XPO6: variants seen among roughly 807,000 people sequenced by gnomAD.
The protein encoded by XPO6 is exportin-6.
In XPO6, 3 loss-of-function variants were observed where a neutral mutation model predicts 130.0. The ratio of observed to expected loss-of-function variants is 0.02; its 90% CI spans 0.01 to 0.06. XPO6 has a LOEUF of 0.06. Ranked by LOEUF, XPO6 falls within the 10% of genes least tolerant of loss-of-function variation. The pLI, the probability that XPO6 is intolerant of heterozygous loss-of-function variation, is 1.00. For missense variants in XPO6, 970 were observed against 1,393.0 expected (o/e 0.70, Z 4.83); for synonymous variants, 524 against 548.9 (o/e 0.95, Z 0.63).
chr16:28,107,409 C>T lies in XPO6; in HGVS notation c.2497+113G>A, dbSNP rs1359215402. The T allele has an allele frequency of 9.3e-6, 12 of 1,284,800 alleles. No individual in the cohort carries two copies. The East Asian group carries it at 9.3e-5, about 10-fold the overall frequency. 79.6% of individuals were successfully genotyped at this position (1,284,800 alleles called of 1,614,324 possible). A position where few individuals can be genotyped will look rare whatever the true frequency, so the allele number is the denominator to read the frequency against. On this transcript the variant is annotated intron_variant, in intron 18 of 23. Coordinates refer to ENST00000304658, the MANE Select transcript of XPO6 (RefSeq NM_015171.4). ...CCCCTCAGTACCGGGTTTCGTTGCA[C>T]GGAACAAGTCAAGGCCTGTACTGCA...
chr16:28,150,123 A>G (rs2043059381), intron 8 of XPO6, among the ~76,000 whole-genome samples: 1 of 152,170 alleles, frequency 6.6e-6, no homozygotes, highest in African/African-American at 2.4e-5. Flanking sequence ...TGTACCTTTC[A>G]GGTTCCTGTC....
Position 28,132,243 on chromosome 16 carries a change from C to T in XPO6, c.1606+91G>A, listed in dbSNP as rs966491875. 8.1e-6 allele frequency: 8 copies of T among 990,904 alleles called. No individual in the cohort carries two copies. Among genetic ancestry groups the T allele is most frequent in the Non-Finnish European group, 1.1e-5 (7 of 653,588 alleles). 61.4% of individuals were successfully genotyped at this position (990,904 alleles called of 1,614,324 possible). On this transcript the variant is annotated intron_variant, in intron 12 of 23. Coordinates refer to ENST00000304658, the MANE Select transcript of XPO6 (RefSeq NM_015171.4). This position sits in a 1 kb window ranked among gnomAD's most constrained non-coding sequence, Gnocchi z 4.0. ...AGTGGGGAGGCTGCAGTGAAGAAAT[C>T]ATGTTCCGACAGCAACGGCAGCAGT...
rs546440728 is a variant in XPO6 at position 28,167,420 on chromosome 16, G to A, written c.566-835C>T. 2.0e-4 allele frequency among the ~76,000 whole-genome samples: 31 copies of A among 152,146 alleles called. 1 individual carries two copies. The South Asian group carries it at 5.6e-3, about 28-fold the overall frequency. ...AGGCTTCAGCTCACCCGACAGACGC[G>A]GCCTTGCTATGCTCAACTGTCTGCT... On this transcript the variant is annotated intron_variant, in intron 5 of 23. Transcript: ENST00000304658.
At chr16:28,187,041 C>T (rs1391341263) in intron 1 of XPO6, among the ~76,000 whole-genome samples, 1 of 152,178 alleles carries the variant, frequency 6.6e-6, no homozygotes, top group East Asian at 1.9e-4. Flanking sequence ...TACATATAAA[C>T]AGCCTCAGAA....
At chr16:28,098,858 G>T (rs1005129156) in intron 23 of XPO6, among the ~76,000 whole-genome samples, 2 of 152,156 alleles carry the variant, frequency 1.3e-5, no homozygotes, top group African/African-American at 4.8e-5. Flanking sequence ...GGCCTCTCGG[G>T]TGCCAGACAC....
At chr16:28,119,775 G>A (rs1298883252) in intron 14 of XPO6, among the ~76,000 whole-genome samples, 4 of 152,194 alleles carry the variant, frequency 2.6e-5, no homozygotes, top group Admixed American at 6.5e-5. Flanking sequence ...TGATATCATA[G>A]TTAAAGAGCT....
At chr16:28,180,740 G>A (rs2043602179) in intron 2 of XPO6, among the ~76,000 whole-genome samples, 1 of 151,530 alleles carries the variant, frequency 6.6e-6, no homozygotes, top group Non-Finnish European at 1.5e-5. Context: ...CTGAAATTAA[G>A]ATCCACAGTG....
rs1327823026 is a variant in XPO6, at chr16:28,123,223, G to A, written c.1767-1461C>T. ...GCTCAAGTGATCCTCCCGCCTCAGC[G>A]CCCCCTCCCATAGCGGGGACTACAG... On this transcript the variant is annotated intron_variant, in intron 13 of 23. Coordinates refer to ENST00000304658, the MANE Select transcript of XPO6 (RefSeq NM_015171.4). 5.9e-5 allele frequency among the ~76,000 whole-genome samples: 9 copies of A among 152,066 alleles called. No individual in the cohort carries two copies. The East Asian group carries it at 7.7e-4, about 13-fold the overall frequency.
rs78177448 is a variant in XPO6 at position 28,153,824 on chromosome 16, G to C, written c.1098-1039C>G. The C allele has an allele frequency of 3.0e-6, 3 of 985,366 alleles. No homozygotes were observed. In the African/African-American group the frequency reaches 5.2e-5, roughly 17 times the overall value. 61.0% of individuals were successfully genotyped at this position (985,366 alleles called of 1,614,324 possible). A position where few individuals can be genotyped will look rare whatever the true frequency, so the allele number is the denominator to read the frequency against. Reference sequence around the variant, plus strand: ...AAGCTATTTTTCAAAACAGAGATATGTGAAATAATAAAAGCAGAGAAAACT... The same window carrying C: ...AAGCTATTTTTCAAAACAGAGATATCTGAAATAATAAAAGCAGAGAAAACT... On this transcript the variant is annotated intron_variant, in intron 7 of 23. Transcript: ENST00000304658.
chr16:28,111,688 G>T, intron 17 of XPO6, 129 bp downstream of exon 17: 1 of 983,536 alleles, frequency 1.0e-6, no homozygotes, highest in Non-Finnish European at 1.5e-6. Flanking sequence ...ATGACTTCCT[G>T]CTCAGCCTCT....
intron 15 of XPO6, among the ~76,000 whole-genome samples, chr16:28,113,376 G>A (rs902830596): frequency 6.6e-6 from 1 of 152,090 alleles, no homozygotes; most frequent in Admixed American, 6.5e-5. Flanking sequence ...ATGTCATCCA[G>A]GTCCTAGAAT....
chr16:28,161,137 G>A (rs2043271422), intron 6 of XPO6, among the ~76,000 whole-genome samples: 2 of 152,198 alleles, frequency 1.3e-5, no homozygotes, highest in Admixed American at 1.3e-4. Flanking sequence ...TTAGATTAAA[G>A]TCTGATGAAT....
chr16:28,098,778 G>C, intron 23 of XPO6, 139 bp from the exon 24 acceptor site: 1 of 586,602 alleles, frequency 1.7e-6, no homozygotes, highest in Non-Finnish European at 3.0e-6. Flanking sequence ...ATTCACTGTT[G>C]CACTGCGTGT....
At chr16:28,200,269 T>C (rs2043934819) in intron 1 of XPO6, among the ~76,000 whole-genome samples, 1 of 152,146 alleles carries the variant, frequency 6.6e-6, no homozygotes, top group African/African-American at 2.4e-5. Context: ...TACCCTTAAC[T>C]TTTCAGGGAG....
intron 2 of XPO6, among the ~76,000 whole-genome samples, chr16:28,179,548 C>A (rs2043583915): frequency 1.3e-5 from 2 of 152,144 alleles, no homozygotes; most frequent in African/African-American, 4.8e-5. Flanking sequence ...TCACTGCTCC[C>A]CCTTGATGCT....
intron 9 of XPO6, among the ~76,000 whole-genome samples, chr16:28,138,091 G>A (rs760690840): frequency 5.1e-5 from 7 of 137,928 alleles, no homozygotes; most frequent in Non-Finnish European, 8.1e-5. Flanking sequence ...AAAGAATGCC[G>A]GCAGGGAAAA....
chr16:28,123,157 G>A (rs2087288225), intron 13 of XPO6, among the ~76,000 whole-genome samples: 1 of 152,092 alleles, frequency 6.6e-6, no homozygotes, highest in African/African-American at 2.4e-5. Context: ...CAGGCCAGAG[G>A]ATTGTAGTGA....
At position 28,211,451 on chromosome 16, in the gene XPO6, C is replaced by T. The variant is rs1454461415; in HGVS notation, c.-83G>A. The T allele has an allele frequency of 7.7e-7, 1 of 1,292,610 alleles. No individual in the cohort carries two copies. The highest frequency in any genetic ancestry group is 9.9e-7 in the Non-Finnish European group (1 of 1,009,390). The allele number at this position is 1,292,610 out of a possible 1,614,324, so 80.1% of individuals were successfully genotyped here. A position where few individuals can be genotyped will look rare whatever the true frequency, so the allele number is the denominator to read the frequency against. ...GCTCGCACAGTTCAGGTCATGGTCCCGGCAGACTCGGGAAGTCCCCCACCC... is the reference window on the plus strand; with the variant it reads ...GCTCGCACAGTTCAGGTCATGGTCCTGGCAGACTCGGGAAGTCCCCCACCC... On this transcript the variant is annotated 5_prime_UTR_variant, in exon 1 of 24. Transcript: ENST00000304658.
rs371230035 is a variant in XPO6, at chr16:28,112,004, G to C, written c.2154C>G (p.Ala718=). ...DASALRLVDK[A]QVLVCRALSN... is the part of the protein sequence containing the mutation. ...AGAGGGCTCGGCACACCAACACCTG[G>C]GCCTACAAGAGACCCCAAAGGCATC... Residue 718 remains alanine, a splice_region_variant and synonymous_variant, in exon 17 of 24, where the codon GCC becomes GCG. Transcript: ENST00000304658. The C allele has an allele frequency of 6.8e-5, 110 of 1,609,846 alleles. No homozygotes were observed. In the African/African-American group the frequency reaches 1.4e-3, roughly 21 times the overall value.
Sources: allele counts gnomAD v4.1 joint callset (sites outside exome capture counted in the v4.1 genomes callset), GRCh38; gene constraint gnomAD v4.1.1; non-coding constraint Gnocchi (gnomAD v3.1); transcripts MANE v1.5; gene names NCBI Gene and HGNC (gene_info 2026-07-23, HGNC 2026-07-21).